RGPD1: variants seen among roughly 807,000 people sequenced by gnomAD.
RGPD1 encodes the protein RANBP2-like and GRIP domain-containing protein 1.
Under a neutral mutation model 40.6 loss-of-function variants are expected in RGPD1, and 7 were observed. The ratio of observed to expected loss-of-function variants is 0.17; its 90% CI spans 0.10 to 0.32. The LOEUF (loss-of-function observed/expected upper bound fraction) is 0.32, where lower values mean the gene tolerates loss of function less well. Ranked by LOEUF, RGPD1 falls within the 10% of genes least tolerant of loss-of-function variation. RGPD1 has a pLI of 1.00. For synonymous variants in RGPD1, 24 were observed against 167.0 expected, an observed-to-expected ratio of 0.14 and a Z score of 6.60; for missense variants, 50 against 472.5, an observed-to-expected ratio of 0.11 and a Z score of 8.29.
chr2:86,920,261 G>T (rs1399464277), intron 1 of RGPD1, among the ~76,000 whole-genome samples: 1 of 151,490 alleles, frequency 6.6e-6, no homozygotes, highest in East Asian at 1.9e-4. Context: ...GTAGAGACGG[G>T]GTTTTGCCAT....
At chr2:86,928,916 A>G (rs1356352962) in intron 1 of RGPD1, among the ~76,000 whole-genome samples, 2 of 151,624 alleles carry the variant, frequency 1.3e-5, no homozygotes, top group Non-Finnish European at 2.9e-5. Context: ...AGGGATAGTC[A>G]CAGAGCAGTA....
intron 1 of RGPD1, among the ~76,000 whole-genome samples, chr2:86,928,911 T>C (rs2104700484): frequency 6.6e-6 from 1 of 151,432 alleles, no homozygotes. Context: ...AAAGAAGGGA[T>C]AGTCACAGAG....
chr2:86,941,686 C>G (rs1308650959), upstream of RGPD1, among the ~76,000 whole-genome samples: 1 of 150,824 alleles, frequency 6.6e-6, no homozygotes, highest in African/African-American at 2.5e-5. Context: ...GTGTTCCACC[C>G]GCAGGACTGA....
At chr2:86,925,986 T>C (rs1223319626) in intron 1 of RGPD1, among the ~76,000 whole-genome samples, 2 of 152,044 alleles carry the variant, frequency 1.3e-5, no homozygotes, top group Non-Finnish European at 2.9e-5. Context: ...TAAAACATTG[T>C]ATTTTATAAA....
At chr2:86,941,076 A>G (rs1324769150), upstream of RGPD1, among the ~76,000 whole-genome samples, 2 of 151,970 alleles carry the variant, frequency 1.3e-5, no homozygotes, top group Non-Finnish European at 2.9e-5. Context: ...AGGATAAAAA[A>G]TTATCCACAA....
At chr2:86,939,702 T>G (rs1276388354), upstream of RGPD1, among the ~76,000 whole-genome samples, 202 of 132,018 alleles carry the variant, frequency 1.5e-3, no homozygotes, top group Middle Eastern at 7.6e-3. Context: ...TTTGGGCAAG[T>G]TGCTTCAGTG....
Position 86,996,534 on chromosome 2 carries a change from ACT to A in RGPD1, c.5041-1024_5041-1023del, listed in dbSNP as rs1305935207. ...AAATGTTATATTTTCATAAATTTAT[ACT>A]CTCTTCATGATTTCTTTGTCTTCTT... On this transcript the variant is annotated intron_variant, in intron 21 of 22. Transcript: ENST00000641458. 1.0e-4 allele frequency among the ~76,000 whole-genome samples: 12 copies of A among 119,254 alleles called. 3 individuals are homozygous for A. The highest frequency in any genetic ancestry group is 2.4e-4 in the Admixed American group (3 of 12,278). 78.2% of individuals were successfully genotyped at this position (119,254 alleles called of 152,430 possible).
At chr2:86,920,046 G>A (rs1286117527) in intron 1 of RGPD1, among the ~76,000 whole-genome samples, 3 of 152,030 alleles carry the variant, frequency 2.0e-5, no homozygotes, top group Non-Finnish European at 4.4e-5. Flanking sequence ...AAAATCTTAT[G>A]GGAAAATAGG....
At chr2:86,923,043 T>TC (rs1366575660) in intron 1 of RGPD1, among the ~76,000 whole-genome samples, 1 of 119,494 alleles carries the variant, frequency 8.4e-6, no homozygotes, top group East Asian at 2.3e-4. Context: ...CTTTTTTTTT[T>TC]TTTTTTTTTT....
intron 1 of RGPD1, among the ~76,000 whole-genome samples, chr2:86,943,875 G>C (rs190852597): frequency 4.0e-4 from 61 of 152,170 alleles, no homozygotes; most frequent in Non-Finnish European, 6.0e-4. Context: ...TTAGCCGGGC[G>C]TGGTGGTGCA....
At chr2:86,929,984 C>T (rs1157788235) in intron 1 of RGPD1, among the ~76,000 whole-genome samples, 1 of 143,632 alleles carries the variant, frequency 7.0e-6, no homozygotes, top group African/African-American at 2.5e-5. Context: ...ACCTGCGGTA[C>T]AGAATCTGGG....
intron 1 of RGPD1, chr2:86,930,585 C>T (rs1395100428): frequency 6.8e-6 from 11 of 1,611,254 alleles, no homozygotes; most frequent in East Asian, 2.2e-5. Flanking sequence ...CCAGAACCAC[C>T]AGAGCTCATA....
chr2:86,938,752 C>T (rs1324418553), upstream of RGPD1, among the ~76,000 whole-genome samples: 4 of 139,208 alleles, frequency 2.9e-5, no homozygotes, highest in African/African-American at 8.1e-5. Context: ...TAACTTCATT[C>T]AGTCATTACT....
intron 1 of RGPD1, chr2:86,930,143 G>C (rs555929210): frequency 1.3e-6 from 2 of 1,486,172 alleles, no homozygotes; most frequent in South Asian, 1.2e-5. Flanking sequence ...CAGGAGGGGG[G>C]TGTGGGGGCA....
rs1312908134 is a variant in RGPD1, at chr2:86,927,988, AGCTT to A, written c.72+14068_72+14071del. ...TTTCAGTCATTTTCATTAAACATGA[AGCTT>A]AATACATATTGTTCTAAGATCAGGA... On this transcript the variant is annotated intron_variant, in intron 1 of 22. Coordinates refer to the RGPD1 transcript ENST00000398193. 2.1e-5 allele frequency among the ~76,000 whole-genome samples: 2 copies of A among 94,760 alleles called. 1 individual carries two copies. Among genetic ancestry groups the A allele is most frequent in the Non-Finnish European group, 4.0e-5 (2 of 49,448 alleles). 62.2% of individuals were successfully genotyped at this position (94,760 alleles called of 152,430 possible).
At chr2:86,914,276 C>T (rs1322646969) in intron 1 of RGPD1, among the ~76,000 whole-genome samples, 1 of 12,718 alleles carries the variant, frequency 7.9e-5, no homozygotes, top group Non-Finnish European at 1.8e-4. Flanking sequence ...CGGCCTTGGC[C>T]TCGGCCGGGC....
chr2:86,914,236 GGGCGGCGGC>G (rs1243374849), intron 1 of RGPD1, among the ~76,000 whole-genome samples: 5 of 82,330 alleles, frequency 6.1e-5, no homozygotes, highest in East Asian at 3.1e-4. Flanking sequence ...CGGCCTGGCC[GGGCGGCGGC>G]GGCGGCGGCG....
At chr2:86,941,738 A>C (rs1276141774), upstream of RGPD1, among the ~76,000 whole-genome samples, 1 of 149,936 alleles carries the variant, frequency 6.7e-6, no homozygotes, top group African/African-American at 2.5e-5. Flanking sequence ...TTTTTTAGGA[A>C]GTCTTACTCT....
chr2:86,914,418 G>GGGCGGCGGCGGC (rs1175704937), intron 1 of RGPD1, among the ~76,000 whole-genome samples: 2 of 9,836 alleles, frequency 2.0e-4, no homozygotes, highest in Non-Finnish European at 3.8e-4. Flanking sequence ...CGACCTGGCC[G>GGGCGGCGGCGGC]GGCGGCGGCG....
Sources: allele counts gnomAD v4.1 joint callset (sites outside exome capture counted in the v4.1 genomes callset), GRCh38; gene constraint gnomAD v4.1.1; transcripts MANE v1.5; gene names NCBI Gene and HGNC (gene_info 2026-07-23, HGNC 2026-07-21).